STAT5B: variants seen among roughly 807,000 people sequenced by gnomAD.
STAT5B encodes the protein transcription factor STAT5B.
Under a neutral mutation model 107.8 loss-of-function variants are expected in STAT5B, and 21 were observed. That is an observed-to-expected ratio of 0.19 (90% CI 0.14 to 0.28). The LOEUF is 0.28. Among genes scored for constraint, STAT5B ranks in the 10% least tolerant of loss-of-function variants. The pLI is 1.00. For synonymous variants in STAT5B, 325 were observed against 401.7 expected (o/e 0.81, Z 2.28); for missense variants, 565 against 1,008.2 (o/e 0.56, Z 5.95).
intron 15 of STAT5B, 146 bp from the exon 16 acceptor site, chr17:42,207,874 G>A: frequency 1.2e-6 from 1 of 832,008 alleles, no homozygotes; most frequent in Non-Finnish European, 1.9e-6. Flanking sequence ...GGTTATAGAT[G>A]AAATACTTTT....
At chr17:42,210,534 G>A (rs1372680950) in intron 13 of STAT5B, 37 bp from the exon 14 acceptor site, 2 of 1,532,866 alleles carry the variant, frequency 1.3e-6, no homozygotes, top group African/African-American at 1.4e-5. Flanking sequence ...AAGAACACCA[G>A]AGTAACACTT....
At chr17:42,228,970 T>C (rs2080296456) in intron 2 of STAT5B, among the ~76,000 whole-genome samples, 1 of 152,150 alleles carries the variant, frequency 6.6e-6, no homozygotes, top group Admixed American at 6.5e-5. Flanking sequence ...AAAGCAGTGA[T>C]ACCATAGTCC....
chr17:42,269,999 C>G (rs973748846), intron 1 of STAT5B, among the ~76,000 whole-genome samples: 1 of 152,090 alleles, frequency 6.6e-6, no homozygotes, highest in Non-Finnish European at 1.5e-5. Context: ...CACCTGAGGT[C>G]AGGAGTTCGA....
At position 42,207,595 on chromosome 17, in the gene STAT5B, G is replaced by A. The variant is rs1465524135; in HGVS notation, c.2040C>T (p.Ser680=). 3.1e-6 allele frequency: 5 copies of A among 1,613,728 alleles called. No individual in the cohort carries two copies. The highest frequency in any genetic ancestry group is 2.2e-5 in the East Asian group (1 of 44,876). Residue 680 remains serine, a synonymous_variant, in exon 16 of 19, where the codon TCC becomes TCT. Coordinates refer to ENST00000293328, the MANE Select transcript of STAT5B (RefSeq NM_012448.4). ...FPDRPKDEVY[S]KYYTPVPCES... ...CGCAGGGAACTGGTGTGTAGTATTT[G>A]GAGTATACTTCATCTTTTGGCCGAT...
intron 1 of STAT5B, among the ~76,000 whole-genome samples, chr17:42,262,970 G>GTATGTGTA (rs2080626842): frequency 4.8e-5 from 1 of 20,930 alleles, no homozygotes; most frequent in Non-Finnish European, 8.3e-5. Context: ...GTGTGTGTGT[G>GTATGTGTA]TATATATATA....
In STAT5B at chr17:42,202,826, T is replaced by C. The variant is rs376975620; in HGVS notation, c.2078-18A>G. The stretch of plus-strand genomic sequence containing the variant: ...AGCTTTAGCTGCCAAGGGAAGAATG[T>C]AGTAAATCAAAGTTCTCAAGTGAAA... On this transcript the variant is annotated intron_variant, in intron 16 of 18. Coordinates refer to ENST00000293328, the MANE Select transcript of STAT5B (RefSeq NM_012448.4). The C allele has an allele frequency of 2.5e-6, 4 of 1,614,124 alleles. No homozygotes were observed. The highest frequency in any genetic ancestry group is 2.2e-5 in the East Asian group (1 of 44,892).
At chr17:42,223,899 G>C (rs989146382) in intron 4 of STAT5B, among the ~76,000 whole-genome samples, 1 of 152,190 alleles carries the variant, frequency 6.6e-6, no homozygotes, top group South Asian at 2.1e-4. Flanking sequence ...TAATGAGGAG[G>C]TGGAGTGATT....
intron 1 of STAT5B, among the ~76,000 whole-genome samples, chr17:42,262,970 GTATATATATA>G (rs869160306): frequency 2.3e-3 from 48 of 20,942 alleles, no homozygotes; most frequent in Admixed American, 6.0e-3. Flanking sequence ...GTGTGTGTGT[GTATATATATA>G]TATATATATA....
intron 5 of STAT5B, among the ~76,000 whole-genome samples, chr17:42,221,610 T>C (rs1255159979): frequency 6.6e-6 from 1 of 152,168 alleles, no homozygotes; most frequent in African/African-American, 2.4e-5. Context: ...TGGGTAGGAA[T>C]AGCCATCCCA....
upstream of STAT5B, chr17:42,276,511 T>G (rs1449829961): frequency 1.3e-5 from 2 of 150,412 alleles, no homozygotes; most frequent in East Asian, 4.0e-4. The surrounding 1 kb of genome is among the most constrained non-coding windows in gnomAD (Gnocchi z 4.8). Context: ...CGGCGCGCGC[T>G]CGCTAGCCCG....
At chr17:42,263,796 G>T (rs1463285813) in intron 1 of STAT5B, among the ~76,000 whole-genome samples, 1 of 151,486 alleles carries the variant, frequency 6.6e-6, no homozygotes, top group Admixed American at 6.6e-5. Context: ...CAAAGTGCTG[G>T]AAATATAGGC....
chr17:42,262,972 A>G (rs9893080), intron 1 of STAT5B, among the ~76,000 whole-genome samples: 1,273 of 19,070 alleles, frequency 0.067, 7 homozygotes, highest in Non-Finnish European at 0.073. Flanking sequence ...GTGTGTGTGT[A>G]TATATATATA....
At chr17:42,243,205 A>T (rs1428529623) in intron 1 of STAT5B, among the ~76,000 whole-genome samples, 1 of 152,050 alleles carries the variant, frequency 6.6e-6, no homozygotes, top group African/African-American at 2.4e-5. Flanking sequence ...AAAATATAAA[A>T]ATTAGTTGGG....
intron 3 of STAT5B, among the ~76,000 whole-genome samples, chr17:42,225,150 G>A (rs140105153): frequency 0.062 from 9,487 of 152,108 alleles, 439 homozygotes; most frequent in Non-Finnish European, 0.091. Context: ...TGCCTCCTGG[G>A]TTCAAGTAAT....
intron 1 of STAT5B, among the ~76,000 whole-genome samples, chr17:42,238,520 C>G: frequency 6.7e-6 from 1 of 148,484 alleles, no homozygotes; most frequent in East Asian, 2.0e-4. Context: ...AGTGGCGTGA[C>G]CTGGGCTCAC....
At chr17:42,254,505 AAGTT>A (rs2080525263) in intron 1 of STAT5B, among the ~76,000 whole-genome samples, 2 of 151,620 alleles carry the variant, frequency 1.3e-5, no homozygotes, top group Non-Finnish European at 2.9e-5. Flanking sequence ...TTTCCTCAAC[AAGTT>A]AGTTTCTGTC....
chr17:42,240,600 A>C (rs1381658247), intron 1 of STAT5B, among the ~76,000 whole-genome samples: 1 of 152,174 alleles, frequency 6.6e-6, no homozygotes, highest in African/African-American at 2.4e-5. Flanking sequence ...AATATACTTC[A>C]AAGGGTGAAT....
At chr17:42,247,095 TCAGACC>T (rs1355670418) in intron 1 of STAT5B, among the ~76,000 whole-genome samples, 1 of 152,174 alleles carries the variant, frequency 6.6e-6, no homozygotes, top group Non-Finnish European at 1.5e-5. Context: ...GTGGAACAGA[TCAGACC>T]AGTTTCCAAG....
chr17:42,232,241 T>C, intron 1 of STAT5B, 104 bp from the exon 2 acceptor site: 3 of 1,207,164 alleles, frequency 2.5e-6, no homozygotes, highest in Non-Finnish European at 3.2e-6. Flanking sequence ...GTTTTTATTT[T>C]ATTATTTATT....
Sources: allele counts gnomAD v4.1 joint callset (sites outside exome capture counted in the v4.1 genomes callset), GRCh38; gene constraint gnomAD v4.1.1; non-coding constraint Gnocchi (gnomAD v3.1); transcripts MANE v1.5; gene names NCBI Gene and HGNC (gene_info 2026-07-23, HGNC 2026-07-21).